WDSUB1: variants seen among roughly 807,000 people sequenced by gnomAD.
WDSUB1 encodes WD repeat, sterile alpha motif and U-box domain containing 1.
WDSUB1 carries 49 observed loss-of-function variants against 53.9 expected under a neutral mutation model. The ratio of observed to expected loss-of-function variants is 0.91; its 90% CI spans 0.72 to 1.15. The LOEUF (loss-of-function observed/expected upper bound fraction) is 1.15. Among genes scored for constraint, WDSUB1 ranks in the 50% most tolerant of loss-of-function variants. WDSUB1 has a pLI of 0.00. For missense variants in WDSUB1, 514 were observed against 562.0 expected (o/e 0.91, Z 0.86); for synonymous variants, 194 against 200.6 (o/e 0.97, Z 0.28).
intron 5 of WDSUB1, among the ~76,000 whole-genome samples, chr2:159,260,174 G>A (rs972948470): frequency 3.3e-5 from 5 of 152,002 alleles, no homozygotes; most frequent in Admixed American, 6.6e-5. Flanking sequence ...GCATGGTGGC[G>A]TGCACCTGTA....
chr2:159,267,271 A>T (rs2061364005), intron 5 of WDSUB1, among the ~76,000 whole-genome samples: 1 of 149,864 alleles, frequency 6.7e-6, no homozygotes, highest in Non-Finnish European at 1.5e-5. Context: ...TATGCCATAC[A>T]CACCTTCATT....
At chr2:159,280,640 G>C (rs950984718) in intron 2 of WDSUB1, among the ~76,000 whole-genome samples, 1 of 123,980 alleles carries the variant, frequency 8.1e-6, no homozygotes, top group Non-Finnish European at 1.6e-5. Flanking sequence ...GCAGTGAGCC[G>C]AGATCCCGCC....
At chr2:159,251,080 T>C (rs151323588) in intron 9 of WDSUB1, among the ~76,000 whole-genome samples, 4,305 of 131,462 alleles carry the variant, frequency 0.033, 201 homozygotes, top group African/African-American at 0.097. Context: ...CTGGGCAACA[T>C]AGCAAGACTC....
At chr2:159,283,837 C>T (rs1575504557) in intron 1 of WDSUB1, among the ~76,000 whole-genome samples, 1 of 152,124 alleles carries the variant, frequency 6.6e-6, no homozygotes, top group Admixed American at 6.5e-5. Context: ...TTTGTTGAGA[C>T]AGGATCTCCC....
chr2:159,244,347 T>C (rs1196005367), intron 10 of WDSUB1, among the ~76,000 whole-genome samples: 1 of 149,842 alleles, frequency 6.7e-6, no homozygotes, highest in Admixed American at 6.6e-5. Context: ...GCCCTACATA[T>C]CTAAGGGGTC....
At chr2:159,239,254 C>T (rs2060574875) in intron 10 of WDSUB1, among the ~76,000 whole-genome samples, 1 of 152,210 alleles carries the variant, frequency 6.6e-6, no homozygotes, top group South Asian at 2.1e-4. Context: ...ACGCTCCCAC[C>T]TTGGCTTCCC....
intron 9 of WDSUB1, among the ~76,000 whole-genome samples, chr2:159,251,153 C>G (rs111703034): frequency 0.039 from 4,286 of 109,218 alleles, 197 homozygotes; most frequent in African/African-American, 0.1. Context: ...GTAGTCCCAG[C>G]TCCTCAGGAG....
At chr2:159,262,366 G>A (rs1558857371) in intron 5 of WDSUB1, among the ~76,000 whole-genome samples, 1 of 152,192 alleles carries the variant, frequency 6.6e-6, no homozygotes, top group East Asian at 1.9e-4. Flanking sequence ...AAAGCACCCT[G>A]AGTGTCTGCC....
At chr2:159,249,921 A>G (rs1032591806) in intron 9 of WDSUB1, among the ~76,000 whole-genome samples, 2 of 149,116 alleles carry the variant, frequency 1.3e-5, no homozygotes, top group Non-Finnish European at 3.0e-5. Flanking sequence ...CAAAAAAAAA[A>G]AAGAAAGAAA....
chr2:159,247,930 T>TATAA (rs2060852067), intron 10 of WDSUB1, among the ~76,000 whole-genome samples: 1 of 63,292 alleles, frequency 1.6e-5, no homozygotes. Flanking sequence ...TATATATAAA[T>TATAA]ATATATATAT....
rs1201176529 is a variant in WDSUB1 at position 159,256,270 on chromosome 2, A to G, written c.1058T>C (p.Phe353Ser). 6.2e-7 allele frequency: 1 copy of G among 1,611,996 alleles called. No homozygotes were observed. Among genetic ancestry groups the G allele is most frequent in the Non-Finnish European group, 8.5e-7 (1 of 1,179,364 alleles). ...AQDLKDLVGI[F>S]KMNNIDGKEL... ...TTTTCCATCAATGTTATTCATCTTG[A>G]AAATACCAACAAGATCTTTTAAATC... The change falls in exon 9 of 11, where the codon TTC (phenylalanine) becomes TCC (serine). Residue 353 changes from phenylalanine (F) to serine (S), a missense_variant. Coordinates refer to ENST00000359774, the MANE Select transcript of WDSUB1 (RefSeq NM_001128212.3).
intron 4 of WDSUB1, among the ~76,000 whole-genome samples, chr2:159,274,862 G>A (rs998204202): frequency 1.3e-5 from 2 of 152,172 alleles, no homozygotes; most frequent in Non-Finnish European, 2.9e-5. Context: ...CATCCTGAGA[G>A]TTTTGAGATC....
chr2:159,268,275 C>T (rs1338716330), intron 5 of WDSUB1, among the ~76,000 whole-genome samples: 1 of 152,218 alleles, frequency 6.6e-6, no homozygotes, highest in Non-Finnish European at 1.5e-5. Context: ...TTTCTATGCC[C>T]TATTCCAACT....
intron 9 of WDSUB1, among the ~76,000 whole-genome samples, chr2:159,250,494 A>G (rs1238376925): frequency 6.6e-6 from 1 of 152,232 alleles, no homozygotes; most frequent in Non-Finnish European, 1.5e-5. Context: ...AAGTACCTCT[A>G]AAATGCAGCA....
chr2:159,239,876 G>A (rs11690351), intron 10 of WDSUB1, among the ~76,000 whole-genome samples: 59,624 of 152,102 alleles, frequency 0.39, 13,432 homozygotes, highest in Non-Finnish European at 0.54. Context: ...GAGGTTCTGA[G>A]AAACTAAACT....
chr2:159,236,536 T>G (rs1436278644), intron 10 of WDSUB1, among the ~76,000 whole-genome samples: 3 of 152,152 alleles, frequency 2.0e-5, no homozygotes, highest in Admixed American at 6.5e-5. Context: ...TCAGAGCTGT[T>G]GGAAAGTTTG....
chr2:159,254,444 C>T (rs114432640), intron 9 of WDSUB1, among the ~76,000 whole-genome samples: 2,580 of 152,098 alleles, frequency 0.017, 29 homozygotes, highest in Non-Finnish European at 0.025. Flanking sequence ...GCCTGTGGTT[C>T]CAGCTACTCA....
At chr2:159,239,440 A>G (rs948691481) in intron 10 of WDSUB1, among the ~76,000 whole-genome samples, 4 of 152,240 alleles carry the variant, frequency 2.6e-5, no homozygotes, top group Middle Eastern at 3.4e-3. Context: ...TAGATTTTCT[A>G]TTCTTTTGGG....
intron 9 of WDSUB1, among the ~76,000 whole-genome samples, chr2:159,255,420 T>C (rs962350422): frequency 6.6e-5 from 10 of 151,928 alleles, no homozygotes; most frequent in African/African-American, 2.4e-4. Context: ...TGAACCGAGA[T>C]CGCGCCACTG....
Sources: gnomAD v4.1 joint callset for allele counts (sites outside exome capture counted in the v4.1 genomes callset) on GRCh38, gnomAD v4.1.1 for gene constraint, MANE v1.5 for transcripts, NCBI Gene and HGNC (gene_info 2026-07-23, HGNC 2026-07-21) for gene names.